The following TMED3 variants were observed in gnomAD, a reference collection of about 807,000 sequenced individuals.
TMED3 encodes transmembrane p24 trafficking protein 3.
A neutral mutation model predicts 15.0 loss-of-function variants in TMED3; 9 were observed. The observed-to-expected ratio is 0.60, with a 90% CI of 0.36 to 1.04. The LOEUF is 1.04. Among genes scored for constraint, TMED3 ranks in the 50% least tolerant of loss-of-function variants. TMED3 has a pLI of 0.01. For missense variants in TMED3, 267 were observed against 278.9 expected (o/e 0.96, Z 0.30); for synonymous variants, 117 against 121.4 (o/e 0.96, Z 0.24).
At chr15:79,404,205 C>T (rs1893871495) in intron 2 of TMED3, among the ~76,000 whole-genome samples, 1 of 152,172 alleles carries the variant, frequency 6.6e-6, no homozygotes, top group Non-Finnish European at 1.5e-5. Flanking sequence ...TAGTCAAACC[C>T]CTATATGAAT....
intron 1 of TMED3, among the ~76,000 whole-genome samples, chr15:79,313,469 C>T (rs934512359): frequency 1.3e-5 from 2 of 152,184 alleles, no homozygotes; most frequent in East Asian, 3.8e-4. Flanking sequence ...GTTTCTTCTT[C>T]TGTAAAATGG....
chr15:79,359,685 G>T (rs1893086216), intron 2 of TMED3, among the ~76,000 whole-genome samples: 1 of 152,172 alleles, frequency 6.6e-6, no homozygotes, highest in South Asian at 2.1e-4. Context: ...GACAGCTGAA[G>T]AGATTGAGAG....
intron 2 of TMED3, among the ~76,000 whole-genome samples, chr15:79,316,639 G>T (rs1245304593): frequency 6.6e-6 from 1 of 152,166 alleles, no homozygotes; most frequent in Non-Finnish European, 1.5e-5. Context: ...GGAGATGGAG[G>T]AAAGGGATGG....
intron 2 of TMED3, among the ~76,000 whole-genome samples, chr15:79,335,920 C>T (rs972076818): frequency 2.1e-4 from 32 of 152,156 alleles, no homozygotes; most frequent in South Asian, 4.1e-4. Context: ...ATTAATCTCT[C>T]ACAACAGCTC....
intron 2 of TMED3, among the ~76,000 whole-genome samples, chr15:79,354,679 T>C (rs943267637): frequency 2.7e-5 from 4 of 150,400 alleles, no homozygotes; most frequent in African/African-American, 9.8e-5. Context: ...AAAAGGGGAC[T>C]CTTTGCAGGA....
chr15:79,329,697 A>C (rs1463087056), intron 2 of TMED3, among the ~76,000 whole-genome samples: 1 of 152,210 alleles, frequency 6.6e-6, no homozygotes, highest in Non-Finnish European at 1.5e-5. Flanking sequence ...AAAAGCAGAC[A>C]GCATGAGAGA....
chr15:79,325,199 C>T (rs1313982382), downstream of TMED3, among the ~76,000 whole-genome samples: 2 of 152,146 alleles, frequency 1.3e-5, no homozygotes. Flanking sequence ...TTGCTCCATA[C>T]CATAGATTTT....
intron 2 of TMED3, among the ~76,000 whole-genome samples, chr15:79,403,591 T>G (rs1335642082): frequency 6.6e-6 from 1 of 152,216 alleles, no homozygotes; most frequent in Non-Finnish European, 1.5e-5. Context: ...AATCCCAGTT[T>G]CTATGATAGG....
At chr15:79,353,293 GTATATTATA>G (rs201170904) in intron 2 of TMED3, among the ~76,000 whole-genome samples, 3,515 of 19,952 alleles carry the variant, frequency 0.18, 428 homozygotes, top group African/African-American at 0.26. Flanking sequence ...TATATTATAT[GTATATTATA>G]TATATTATAT....
downstream of TMED3, among the ~76,000 whole-genome samples, chr15:79,323,661 G>C (rs2058777091): frequency 6.6e-6 from 1 of 152,106 alleles, no homozygotes; most frequent in South Asian, 2.1e-4. Flanking sequence ...GGAACCACCA[G>C]CCTGAATGTA....
chr15:79,382,072 G>A (rs368658183), intron 2 of TMED3, among the ~76,000 whole-genome samples: 3 of 152,196 alleles, frequency 2.0e-5, no homozygotes, highest in African/African-American at 7.2e-5. Flanking sequence ...AGATTTTTCT[G>A]GACTTTGCAG....
intron 2 of TMED3, among the ~76,000 whole-genome samples, chr15:79,364,683 AGAG>A (rs1253207701): frequency 6.6e-6 from 1 of 151,806 alleles, no homozygotes; most frequent in East Asian, 1.9e-4. Context: ...GAAAGAGAGA[AGAG>A]GAGGAATGTC....
At chr15:79,377,045 TA>T (rs1893437460) in intron 2 of TMED3, among the ~76,000 whole-genome samples, 1 of 152,162 alleles carries the variant, frequency 6.6e-6, no homozygotes, top group African/African-American at 2.4e-5. Flanking sequence ...TGGGAAGAAC[TA>T]GAGGGATACC....
At chr15:79,331,370 A>T (rs1224123061) in intron 2 of TMED3, among the ~76,000 whole-genome samples, 2 of 151,498 alleles carry the variant, frequency 1.3e-5, no homozygotes, top group African/African-American at 4.9e-5. Context: ...GAAGAATGAA[A>T]GTAGACCCTT....
At chr15:79,397,486 T>G (rs1893776388) in intron 2 of TMED3, among the ~76,000 whole-genome samples, 1 of 152,222 alleles carries the variant, frequency 6.6e-6, no homozygotes, top group Admixed American at 6.5e-5. Flanking sequence ...CATTTTCTGG[T>G]CAGCCCTAGG....
chr15:79,368,760 C>G (rs1222934466), intron 2 of TMED3, among the ~76,000 whole-genome samples: 1 of 151,844 alleles, frequency 6.6e-6, no homozygotes, highest in Non-Finnish European at 1.5e-5. Flanking sequence ...TTCTTGTTCC[C>G]CTGATTTTCC....
In TMED3 at chr15:79,322,597, G is replaced by A. The variant is rs2058772740; in HGVS notation, c.*383G>A. On this transcript the variant is annotated 3_prime_UTR_variant, in exon 3 of 3. Coordinates refer to ENST00000299705, the MANE Select transcript of TMED3 (RefSeq NM_007364.4). The stretch of plus-strand genomic sequence containing the variant: ...ATGATGCATGGGTCATTTGTCTTGG[G>A]TGTCCTATCCCATATGGAGAAGAAA... The A allele has an allele frequency of 9.7e-7, 1 of 1,028,964 alleles. No individual in the cohort carries two copies. Among genetic ancestry groups the A allele is most frequent in the Non-Finnish European group, 1.2e-6 (1 of 858,870 alleles). The allele number at this position is 1,028,964 out of a possible 1,614,324, so 63.7% of individuals were successfully genotyped here. A position where few individuals can be genotyped will look rare whatever the true frequency, so the allele number is the denominator to read the frequency against.
downstream of TMED3, among the ~76,000 whole-genome samples, chr15:79,327,542 G>T (rs572426730): frequency 3.3e-5 from 5 of 152,340 alleles, no homozygotes; most frequent in African/African-American, 1.2e-4. Context: ...ACAGAGACCT[G>T]TGTATTCAGT....
chr15:79,353,136 TATAAAAA>T (rs1176363130), intron 2 of TMED3, among the ~76,000 whole-genome samples: 2 of 73,872 alleles, frequency 2.7e-5, no homozygotes, highest in African/African-American at 1.4e-4. Flanking sequence ...ATATAAAATA[TATAAAAA>T]ATATATAAAA....
Sources: allele counts gnomAD v4.1 joint callset (sites outside exome capture counted in the v4.1 genomes callset), GRCh38; gene constraint gnomAD v4.1.1; transcripts MANE v1.5; gene names NCBI Gene and HGNC (gene_info 2026-07-23, HGNC 2026-07-21).